Variants in RSRC1 observed in about 807,000 individuals in gnomAD.
RSRC1 encodes the protein arginine and serine rich coiled-coil 1.
A neutral mutation model predicts 49.1 loss-of-function variants in RSRC1; 39 were observed. The observed-to-expected ratio is 0.79, with a 90% CI of 0.61 to 1.04. The LOEUF (loss-of-function observed/expected upper bound fraction) is 1.04, where lower values mean the gene tolerates loss of function less well. Among genes scored for constraint, RSRC1 ranks in the 50% least tolerant of loss-of-function variants. The pLI, the probability that RSRC1 is intolerant of heterozygous loss-of-function variation, is 0.00. For missense variants in RSRC1, 388 were observed against 402.4 expected, an observed-to-expected ratio of 0.96 and a Z score of 0.31; for synonymous variants, 143 against 130.8, an observed-to-expected ratio of 1.09 and a Z score of -0.63.
At chr3:158,118,462 T>TGTGTGTGTGTGTGTGCGCGCGCGC (rs1491469875) in intron 1 of RSRC1, among the ~76,000 whole-genome samples, 7 of 124,680 alleles carry the variant, frequency 5.6e-5, no homozygotes, top group African/African-American at 6.6e-5. Flanking sequence ...TGTGTGTGTG[T>TGTGTGTGTGTGTGTGCGCGCGCGC]GCGCGTGCGC....
intron 4 of RSRC1, among the ~76,000 whole-genome samples, chr3:158,225,348 A>T (rs1199463191): frequency 6.6e-6 from 1 of 151,864 alleles, no homozygotes; most frequent in Non-Finnish European, 1.5e-5. Flanking sequence ...TACTATGATT[A>T]ACACCAGTAT....
Position 158,126,558 on chromosome 3 carries a change from T to A in RSRC1, c.320+2567T>A, listed in dbSNP as rs140311476. Among the ~76,000 whole-genome samples, 156 of 152,326 alleles carry A rather than the reference T, an allele frequency of 1.0e-3. 1 individual carries two copies. The East Asian group carries it at 0.025, about 25-fold the overall frequency. The stretch of plus-strand genomic sequence containing the variant: ...ATCCATTAATATAGCTTATAGTTAG[T>A]TATTTTTTATACTGTCATCTTTTCA... On this transcript the variant is annotated intron_variant, in intron 3 of 9. Coordinates refer to ENST00000611884, the MANE Select transcript of RSRC1 (RefSeq NM_001271838.2).
chr3:158,161,038 C>A (rs181569975), intron 3 of RSRC1, among the ~76,000 whole-genome samples: 1 of 151,948 alleles, frequency 6.6e-6, no homozygotes, highest in African/African-American at 2.4e-5. Flanking sequence ...CTCTTTTTTT[C>A]CCCCTTGGCA....
chr3:158,372,460 A>G (rs1057193074), intron 6 of RSRC1, among the ~76,000 whole-genome samples: 1 of 151,950 alleles, frequency 6.6e-6, no homozygotes, highest in Non-Finnish European at 1.5e-5. Context: ...AGTTCACTAC[A>G]TATAAGTAGC....
chr3:158,295,948 C>T (rs1195096482), intron 4 of RSRC1, among the ~76,000 whole-genome samples: 2 of 152,026 alleles, frequency 1.3e-5, no homozygotes, highest in Non-Finnish European at 2.9e-5. Context: ...TTTGTGTGAA[C>T]ATTAATATCT....
intron 7 of RSRC1, among the ~76,000 whole-genome samples, chr3:158,487,224 T>C (rs898514357): frequency 6.6e-6 from 1 of 152,190 alleles, no homozygotes; most frequent in Non-Finnish European, 1.5e-5. Flanking sequence ...CAAGAATGAA[T>C]ATGTAGTCAT....
chr3:158,305,070 A>T (rs1727762806), intron 5 of RSRC1, among the ~76,000 whole-genome samples: 2 of 152,084 alleles, frequency 1.3e-5, no homozygotes, highest in African/African-American at 4.8e-5. Context: ...ATGAGTTACA[A>T]GTTTATTGAA....
chr3:158,208,670 C>T (rs1721488010), intron 4 of RSRC1, among the ~76,000 whole-genome samples: 2 of 152,070 alleles, frequency 1.3e-5, no homozygotes. Context: ...TGTGCCAGGC[C>T]CTAGATCATT....
intron 6 of RSRC1, among the ~76,000 whole-genome samples, chr3:158,398,776 T>A (rs1385644325): frequency 6.6e-6 from 1 of 152,160 alleles, no homozygotes; most frequent in Non-Finnish European, 1.5e-5. Flanking sequence ...TTTGAGATCA[T>A]ATGTAACTTA....
chr3:158,275,008 A>G (rs1043198896), intron 4 of RSRC1, among the ~76,000 whole-genome samples: 2 of 152,158 alleles, frequency 1.3e-5, no homozygotes, highest in African/African-American at 4.8e-5. Flanking sequence ...ATGATCACAA[A>G]TTAGTGTTAT....
chr3:158,445,293 G>A (rs1279079118), intron 6 of RSRC1, among the ~76,000 whole-genome samples: 2 of 152,108 alleles, frequency 1.3e-5, no homozygotes, highest in Non-Finnish European at 2.9e-5. Context: ...AGACAATGTG[G>A]CACATACACC....
intron 4 of RSRC1, among the ~76,000 whole-genome samples, chr3:158,217,551 T>C (rs1365225473): frequency 1.3e-5 from 2 of 151,588 alleles, no homozygotes; most frequent in African/African-American, 4.8e-5. Context: ...ATTAAATTAA[T>C]TATCCTGAGG....
At chr3:158,489,134 A>T (rs996397560) in intron 7 of RSRC1, among the ~76,000 whole-genome samples, 3 of 152,232 alleles carry the variant, frequency 2.0e-5, no homozygotes, top group African/African-American at 4.8e-5. Context: ...GTGGAGTTGG[A>T]AATAGTTTTG....
intron 3 of RSRC1, among the ~76,000 whole-genome samples, chr3:158,199,439 T>C (rs1019430335): frequency 1.3e-5 from 2 of 152,156 alleles, no homozygotes; most frequent in African/African-American, 4.8e-5. Context: ...TTTGATGAGT[T>C]TCGCTGAGAC....
At chr3:158,389,635 A>G (rs1733159873) in intron 6 of RSRC1, among the ~76,000 whole-genome samples, 1 of 152,228 alleles carries the variant, frequency 6.6e-6, no homozygotes, top group African/African-American at 2.4e-5. Context: ...ATACTCTTTC[A>G]ATTTACTTAG....
intron 6 of RSRC1, among the ~76,000 whole-genome samples, chr3:158,362,478 A>G (rs60928655): frequency 0.073 from 11,153 of 152,316 alleles, 478 homozygotes; most frequent in South Asian, 0.13. Context: ...CAGAGGATCT[A>G]GCTGTCTGAA....
chr3:158,523,854 C>T (rs1239830863), intron 7 of RSRC1, among the ~76,000 whole-genome samples: 1 of 152,010 alleles, frequency 6.6e-6, no homozygotes, highest in Non-Finnish European at 1.5e-5. Flanking sequence ...AAGCTTTGGC[C>T]AATTTTCTTA....
intron 6 of RSRC1, among the ~76,000 whole-genome samples, chr3:158,360,591 G>A (rs1409890897): frequency 1.3e-5 from 2 of 152,236 alleles, no homozygotes; most frequent in Non-Finnish European, 2.9e-5. Flanking sequence ...GTTTGTTAGT[G>A]CCCAAAGTCT....
chr3:158,290,153 A>G (rs949597815), intron 4 of RSRC1, among the ~76,000 whole-genome samples: 2 of 152,178 alleles, frequency 1.3e-5, no homozygotes, highest in African/African-American at 4.8e-5. Flanking sequence ...TCTATATTGT[A>G]TGCTGATTAT....
Sources: allele counts gnomAD v4.1 joint callset (sites outside exome capture counted in the v4.1 genomes callset), GRCh38; gene constraint gnomAD v4.1.1; transcripts MANE v1.5; gene names NCBI Gene and HGNC (gene_info 2026-07-23, HGNC 2026-07-21).